KAT7: variants seen among roughly 807,000 people sequenced by gnomAD.
KAT7 encodes the protein lysine acetyltransferase 7.
A neutral mutation model predicts 82.1 loss-of-function variants in KAT7; 10 were observed. The observed-to-expected ratio is 0.12, with a 90% CI of 0.08 to 0.21. KAT7 has a LOEUF of 0.21. KAT7 is among the 10% of genes least tolerant of loss of function. The probability of loss-of-function intolerance (pLI) is 1.00; values close to 1 mark genes in which losing one functional copy is unlikely to be tolerated. For synonymous variants in KAT7, 250 were observed against 262.5 expected (o/e 0.95, Z 0.46); for missense variants, 378 against 760.9 (o/e 0.50, Z 5.92).
At chr17:49,823,394 T>TG in intron 12 of KAT7, 99 bp downstream of exon 12, 1 of 712,594 alleles carries the variant, frequency 1.4e-6, no homozygotes, top group Non-Finnish European at 2.5e-6. Flanking sequence ...TGGAATATAG[T>TG]GAAGGTACAT....
At chr17:49,798,152 G>A (rs2073979632) in intron 3 of KAT7, among the ~76,000 whole-genome samples, 167 bp from the exon 4 acceptor site, 1 of 152,174 alleles carries the variant, frequency 6.6e-6, no homozygotes, top group African/African-American at 2.4e-5. Context: ...AAAATGGATG[G>A]TGTAGAAGTG....
chr17:49,797,541 T>C (rs929720979), intron 3 of KAT7, among the ~76,000 whole-genome samples: 25 of 152,220 alleles, frequency 1.6e-4, no homozygotes, highest in Admixed American at 7.9e-4. Context: ...TCCATTTATC[T>C]CCAAATTTCT....
chr17:49,811,503 A>G lies in KAT7; in HGVS notation c.781A>G (p.Lys261Glu). 2 of 1,549,402 alleles carry G rather than the reference A, an allele frequency of 1.3e-6. No homozygotes were observed. The highest frequency in any genetic ancestry group is 1.2e-5 in the South Asian group (1 of 83,512). The stretch of plus-strand genomic sequence containing the variant: ...ACCAACGGAGAGACAGCTTCGATAT[A>G]AGGAAAAAGTGGCTGAACTCAGGAA... ...QAPTERQLRY[K>E]EKVAELRKKR... The change falls in exon 7 of 15, where the codon AAG becomes GAG. Residue 261 changes from lysine (K) to glutamate (E), a missense_variant. By Grantham distance (56) the Lys-to-Glu change is moderately conservative (BLOSUM62 1). Around this residue, in one of 6 missense-constraint regions of KAT7, gnomAD observed 102 missense variants for 129.8 expected, o/e 0.79. Coordinates refer to ENST00000259021, the MANE Select transcript of KAT7 (RefSeq NM_007067.5).
rs1195872886 is a variant in KAT7, at chr17:49,827,687, T to A, written c.*185T>A. 1.7e-6 allele frequency: 1 copy of A among 594,920 alleles called. No homozygotes were observed. Among genetic ancestry groups the A allele is most frequent in the African/African-American group, 1.9e-5 (1 of 53,760 alleles). The allele number at this position is 594,920 out of a possible 1,614,324, so 36.9% of individuals were successfully genotyped here. A position where few individuals can be genotyped will look rare whatever the true frequency, so the allele number is the denominator to read the frequency against. ...TGCAGACGCTGGTTCTGAGGAACTGTTGTTTCGGCCTCAGTGAGGTTGCCT... is the reference window on the plus strand; with the variant it reads ...TGCAGACGCTGGTTCTGAGGAACTGATGTTTCGGCCTCAGTGAGGTTGCCT... On this transcript the variant is annotated 3_prime_UTR_variant, in exon 15 of 15. Coordinates refer to ENST00000259021, the MANE Select transcript of KAT7 (RefSeq NM_007067.5).
Position 49,830,353 on chromosome 17 carries a change from TA to T in KAT7, c.*2853del, listed in dbSNP as rs2074415455. 6.6e-6 allele frequency: 1 copy of T among 151,434 alleles called. No individual in the cohort carries two copies. The highest frequency in any genetic ancestry group is 2.5e-5 in the African/African-American group (1 of 40,794). 9.4% of individuals were successfully genotyped at this position (151,434 alleles called of 1,614,324 possible). On this transcript the variant is annotated 3_prime_UTR_variant, in exon 15 of 15. Coordinates refer to ENST00000259021, the MANE Select transcript of KAT7 (RefSeq NM_007067.5). ...GGATTACAGGTGCAGGCCACCTGGCTAATTTTTGTATGTTTAGTAGAGACAG... is the reference window on the plus strand; with the variant it reads ...GGATTACAGGTGCAGGCCACCTGGCTATTTTTGTATGTTTAGTAGAGACAG...
At chr17:49,824,422 C>T (rs2074342922) in intron 12 of KAT7, 1 of 152,220 alleles carries the variant, frequency 6.6e-6, no homozygotes, top group Non-Finnish European at 1.5e-5. Context: ...CACAATGGCC[C>T]AATGTTGGCT....
Position 49,791,953 on chromosome 17 carries a change from ACAGTTC to A in KAT7, c.84_89del (p.Asp28_Ser30delinsGlu), listed in dbSNP as rs763360770. On this transcript the variant is annotated inframe_deletion, in exon 2 of 15. Coordinates refer to ENST00000259021, the MANE Select transcript of KAT7 (RefSeq NM_007067.5). Reference sequence around the variant, plus strand: ...TTTTCTACAGATCTCGAGCACACAGACAGTTCAGAAAGTGATGGCACATCCCGACGA... The same window carrying A: ...TTTTCTACAGATCTCGAGCACACAGAAGAAAGTGATGGCACATCCCGACGA... 1.2e-6 allele frequency: 2 copies of A among 1,614,210 alleles called. No homozygotes were observed. Among genetic ancestry groups the A allele is most frequent in the Non-Finnish European group, 1.7e-6 (2 of 1,180,010 alleles).
At chr17:49,810,487 C>T (rs1189838032) in intron 6 of KAT7, among the ~76,000 whole-genome samples, 1 of 152,162 alleles carries the variant, frequency 6.6e-6, no homozygotes, top group African/African-American at 2.4e-5. Flanking sequence ...AAACTCCTGA[C>T]CTCCAGTAAT....
At chr17:49,797,637 A>C (rs938305168) in intron 3 of KAT7, among the ~76,000 whole-genome samples, 7 of 152,194 alleles carry the variant, frequency 4.6e-5, no homozygotes, top group Non-Finnish European at 8.8e-5. Flanking sequence ...AAATTTTTTA[A>C]ATTTGTTGCT....
intron 8 of KAT7, among the ~76,000 whole-genome samples, chr17:49,816,427 T>G (rs2074235797): frequency 6.8e-6 from 1 of 147,318 alleles, no homozygotes; most frequent in Non-Finnish European, 1.5e-5. Flanking sequence ...GATATTTATT[T>G]AGAGCTAGTT....
chr17:49,823,139 A>G, intron 11 of KAT7, 63 bp from the exon 12 acceptor site: 1 of 910,148 alleles, frequency 1.1e-6, no homozygotes, highest in Non-Finnish European at 1.8e-6. Flanking sequence ...GCATCTGTGG[A>G]AGTGCTGAAA....
intron 1 of KAT7, chr17:49,789,649 T>C (rs1469240953): frequency 2.0e-5 from 3 of 152,090 alleles, no homozygotes; most frequent in Non-Finnish European, 4.4e-5. Flanking sequence ...AGAACAAATC[T>C]AACTCAATTC....
intron 1 of KAT7, among the ~76,000 whole-genome samples, chr17:49,790,975 A>T (rs1355754605): frequency 6.6e-6 from 1 of 152,206 alleles, no homozygotes; most frequent in Non-Finnish European, 1.5e-5. Context: ...CCTCAGGAGG[A>T]TAATAATTGA....
intron 1 of KAT7, 85 bp downstream of exon 1, chr17:49,788,934 T>G (rs2073844382): frequency 5.4e-6 from 7 of 1,306,658 alleles, no homozygotes; most frequent in Non-Finnish European, 7.2e-6. Flanking sequence ...CTCACAGTGC[T>G]TGGGTCCCAA....
chr17:49,800,764 G>A (rs1189415332), intron 4 of KAT7, among the ~76,000 whole-genome samples: 1 of 152,124 alleles, frequency 6.6e-6, no homozygotes, highest in Non-Finnish European at 1.5e-5. Flanking sequence ...AGATAGACGT[G>A]TAATATATCA....
At chr17:49,791,197 A>G (rs1567845117) in intron 1 of KAT7, among the ~76,000 whole-genome samples, 1 of 152,152 alleles carries the variant, frequency 6.6e-6, no homozygotes, top group Admixed American at 6.5e-5. Flanking sequence ...GAGATAGTGT[A>G]TGGTTTTTAA....
At position 49,831,007 on chromosome 17, in the gene KAT7, T is replaced by C. The variant is rs560686166; in HGVS notation, c.*3505T>C. Reference sequence around the variant, plus strand: ...GGACTGATTTTTAAGCCAGCTGTGATAGCTCTGTAATAGTCTGTAATCTCA... The same window carrying C: ...GGACTGATTTTTAAGCCAGCTGTGACAGCTCTGTAATAGTCTGTAATCTCA... On this transcript the variant is annotated 3_prime_UTR_variant, in exon 15 of 15. Coordinates refer to ENST00000259021, the MANE Select transcript of KAT7 (RefSeq NM_007067.5). The C allele has an allele frequency of 4.3e-4, 66 of 152,358 alleles. 1 individual carries two copies. The highest frequency in any genetic ancestry group is 1.5e-3 in the African/African-American group (63 of 41,578). 9.4% of individuals were successfully genotyped at this position (152,358 alleles called of 1,614,324 possible). A position where few individuals can be genotyped will look rare whatever the true frequency, so the allele number is the denominator to read the frequency against.
chr17:49,826,910 C>T (rs1242008137), intron 14 of KAT7, 111 bp downstream of exon 14: 12 of 651,812 alleles, frequency 1.8e-5, no homozygotes, highest in South Asian at 3.8e-5. Context: ...TTGGGCTACA[C>T]GCCCCTTTTA....
At chr17:49,797,157 G>T (rs1047442797) in intron 3 of KAT7, among the ~76,000 whole-genome samples, 2 of 151,238 alleles carry the variant, frequency 1.3e-5, no homozygotes, top group Non-Finnish European at 2.9e-5. Flanking sequence ...TCTGCCTCCC[G>T]GGTTCACGCC....
Sources: gnomAD v4.1 joint callset for allele counts (sites outside exome capture counted in the v4.1 genomes callset) on GRCh38, gnomAD v4.1.1 for gene constraint, gnomAD v4.1.1 regional missense constraint, MANE v1.5 for transcripts, NCBI Gene and HGNC (gene_info 2026-07-23, HGNC 2026-07-21) for gene names.